OGDH: variants seen among roughly 807,000 people sequenced by gnomAD.
OGDH encodes the protein 2-oxoglutarate dehydrogenase complex component E1.
In OGDH, 38 loss-of-function variants were observed where a neutral mutation model predicts 116.6. That is an observed-to-expected ratio of 0.33 (90% confidence interval 0.25 to 0.43). OGDH has a LOEUF of 0.43. OGDH is among the 20% of genes least tolerant of loss of function. OGDH has a pLI of 1.00. For synonymous variants in OGDH, 488 were observed against 533.3 expected (o/e 0.92, Z 1.17); for missense variants, 825 against 1,357.2 (o/e 0.61, Z 6.16).
intron 20 of OGDH, among the ~76,000 whole-genome samples, chr7:44,706,915 C>T (rs1486139499): frequency 6.6e-5 from 10 of 152,202 alleles, no homozygotes; most frequent in African/African-American, 2.4e-4. Context: ...TGAGCCACCG[C>T]ACCCGGCCGG....
intron 20 of OGDH, among the ~76,000 whole-genome samples, chr7:44,706,688 T>C (rs1789092133): frequency 6.8e-6 from 1 of 146,650 alleles, no homozygotes; most frequent in Non-Finnish European, 1.5e-5. Context: ...GTGCATGATC[T>C]CAGCTCACTG....
intron 4 of OGDH, among the ~76,000 whole-genome samples, chr7:44,659,851 T>C (rs1786858981): frequency 1.3e-5 from 2 of 152,372 alleles, no homozygotes. Context: ...GATTTGTCGA[T>C]GTTACTAATC....
rs190169119 is a variant in OGDH, at chr7:44,621,777, C to T, written c.-27-2540C>T. ...GTCCTAGCTACTCGGGAGGCTGAGG[C>T]AGGGGAATTGCTTGAACCTGGGATG... On this transcript the variant is annotated intron_variant, in intron 1 of 22. Coordinates refer to ENST00000222673, the MANE Select transcript of OGDH (RefSeq NM_002541.4). 1.9e-3 allele frequency among the ~76,000 whole-genome samples: 288 copies of T among 151,900 alleles called. 1 individual carries two copies. Among genetic ancestry groups the T allele is most frequent in the Non-Finnish European group, 3.0e-3 (203 of 67,968 alleles).
chr7:44,652,616 G>A (rs534288650), intron 4 of OGDH, among the ~76,000 whole-genome samples: 8 of 152,004 alleles, frequency 5.3e-5, no homozygotes, highest in East Asian at 1.9e-4. Context: ...GCCCAGGCTC[G>A]TCTCAGACTC....
At chr7:44,609,056 C>T (rs895257959) in intron 1 of OGDH, among the ~76,000 whole-genome samples, 5 of 152,106 alleles carry the variant, frequency 3.3e-5, no homozygotes, top group African/African-American at 1.2e-4. Context: ...ATTCCCAGTC[C>T]TTCAACTCCT....
intron 18 of OGDH, among the ~76,000 whole-genome samples, chr7:44,699,396 G>A (rs1375521519): frequency 7.3e-6 from 1 of 137,354 alleles, no homozygotes; most frequent in Admixed American, 8.0e-5. Flanking sequence ...CTGCACTCCA[G>A]CCTAGGCGAC....
Position 44,697,681 on chromosome 7 carries a change from A to G in OGDH, c.2257A>G (p.Thr753Ala). The G allele has an allele frequency of 6.2e-7, 1 of 1,614,218 alleles. No homozygotes were observed. The highest frequency in any genetic ancestry group is 8.5e-7 in the Non-Finnish European group (1 of 1,180,042). The change falls in exon 17 of 23, where the codon ACG becomes GCG. Residue 753 changes from threonine to alanine, a missense_variant. This residue lies in a region of OGDH where 73 missense variants were observed against 182.3 expected (regional missense o/e 0.40). Transcript: ENST00000222673. The surrounding 1 kb of genome is among the most constrained non-coding windows in gnomAD (Gnocchi z 6.0). The part of the protein sequence containing the change: ...WEAQFGDFHN[T>A]AQCIIDQFIC... ...AGCCCAATTTGGTGACTTCCACAACACGGCCCAGTGTATCATCGACCAGTT... is the reference window on the plus strand; with the variant it reads ...AGCCCAATTTGGTGACTTCCACAACGCGGCCCAGTGTATCATCGACCAGTT...
chr7:44,642,340 C>G (rs1785979296), intron 2 of OGDH, among the ~76,000 whole-genome samples: 1 of 152,208 alleles, frequency 6.6e-6, no homozygotes, highest in African/African-American at 2.4e-5. Flanking sequence ...AGGAGAATCA[C>G]TTGAGCCCCG....
intron 20 of OGDH, among the ~76,000 whole-genome samples, chr7:44,706,256 G>T (rs1789065302): frequency 6.6e-6 from 1 of 151,486 alleles, no homozygotes; most frequent in African/African-American, 2.4e-5. Flanking sequence ...TGATTGTGTT[G>T]AAAGTTTTTA....
intron 9 of OGDH, 160 bp downstream of exon 9, chr7:44,676,309 A>G (rs1014819418): frequency 4.7e-6 from 7 of 1,487,498 alleles, no homozygotes; most frequent in African/African-American, 1.4e-5. Context: ...TAATCCCAGC[A>G]CTTTGGGAGG....
At chr7:44,702,679 A>G (rs1303590260) in intron 20 of OGDH, among the ~76,000 whole-genome samples, 5 of 151,498 alleles carry the variant, frequency 3.3e-5, no homozygotes, top group Non-Finnish European at 5.9e-5. Flanking sequence ...TGCAAGCTCC[A>G]CCTCCCGGGT....
intron 10 of OGDH, among the ~76,000 whole-genome samples, chr7:44,685,268 C>T (rs758452531): frequency 2.0e-5 from 3 of 152,154 alleles, no homozygotes; most frequent in South Asian, 2.1e-4. Flanking sequence ...AACTCCGAGT[C>T]CTTGCTTCCC....
chr7:44,664,223 G>T (rs147915493), intron 4 of OGDH, among the ~76,000 whole-genome samples: 3 of 152,202 alleles, frequency 2.0e-5, no homozygotes, highest in African/African-American at 7.2e-5. Context: ...GTTATTGCCA[G>T]CAGAGGTGGA....
At chr7:44,624,614 G>C (rs895939690) in intron 2 of OGDH, 49 bp downstream of exon 2, 2 of 1,518,824 alleles carry the variant, frequency 1.3e-6, no homozygotes, top group African/African-American at 1.4e-5. Flanking sequence ...GTGTTGGCCT[G>C]TTCCTGACTG....
chr7:44,677,151 A>C (rs1367319092), intron 9 of OGDH, among the ~76,000 whole-genome samples: 1 of 152,168 alleles, frequency 6.6e-6, no homozygotes, highest in Non-Finnish European at 1.5e-5. Flanking sequence ...AAACCAAATA[A>C]TCAGAAAAAA....
At chr7:44,629,549 A>G (rs370283135) in intron 2 of OGDH, among the ~76,000 whole-genome samples, 1 of 135,458 alleles carries the variant, frequency 7.4e-6, no homozygotes, top group East Asian at 2.2e-4. Flanking sequence ...ACTGATGCCC[A>G]TTTCTTTTCT....
At chr7:44,634,869 G>A (rs761883621) in intron 2 of OGDH, among the ~76,000 whole-genome samples, 2 of 152,222 alleles carry the variant, frequency 1.3e-5, no homozygotes, top group African/African-American at 2.4e-5. Context: ...TAGCCCAACA[G>A]CATGAATCAT....
intron 4 of OGDH, among the ~76,000 whole-genome samples, chr7:44,653,382 T>G (rs1220873874): frequency 1.3e-5 from 2 of 152,190 alleles, no homozygotes; most frequent in African/African-American, 2.4e-5. Flanking sequence ...GGTGAGCCAC[T>G]GCGCCTGGCC....
chr7:44,677,601 G>T (rs1303569350), intron 9 of OGDH, among the ~76,000 whole-genome samples: 1 of 152,140 alleles, frequency 6.6e-6, no homozygotes, highest in Non-Finnish European at 1.5e-5. Context: ...AGGTGCGGTG[G>T]CTCACGCCTG....
Sources: allele counts gnomAD v4.1 joint callset (sites outside exome capture counted in the v4.1 genomes callset), GRCh38; gene constraint gnomAD v4.1.1; regional missense constraint gnomAD v4.1.1; non-coding constraint Gnocchi (gnomAD v3.1); transcripts MANE v1.5; gene names NCBI Gene and HGNC (gene_info 2026-07-23, HGNC 2026-07-21).